NPAS1: variants seen among roughly 807,000 people sequenced by gnomAD.
NPAS1 encodes neuronal PAS domain protein 1.
In NPAS1, 29 loss-of-function variants were observed where a neutral mutation model predicts 49.2. That is an observed-to-expected ratio of 0.59 (90% CI 0.44 to 0.80). The LOEUF (loss-of-function observed/expected upper bound fraction) is 0.80. Ranked by LOEUF, NPAS1 falls within the 30% of genes least tolerant of loss-of-function variation. The probability of loss-of-function intolerance (pLI) is 0.00; values close to 1 mark genes in which losing one functional copy is unlikely to be tolerated. For missense variants in NPAS1, 825 were observed against 835.5 expected (o/e 0.99, Z 0.15); for synonymous variants, 408 against 380.4 (o/e 1.07, Z -0.84).
chr19:47,037,652 T>C (rs191268855), intron 6 of NPAS1, among the ~76,000 whole-genome samples: 8 of 152,288 alleles, frequency 5.3e-5, no homozygotes, highest in Non-Finnish European at 5.9e-5. Flanking sequence ...CCTATGAGGC[T>C]AACTATCCTG....
rs545073721 is a variant in NPAS1, at chr19:47,025,308, T to C, written c.358+3461T>C. 6.7e-5 allele frequency among the ~76,000 whole-genome samples: 9 copies of C among 134,738 alleles called. 2 individuals are homozygous for C. In the South Asian group the frequency reaches 1.6e-3, roughly 24 times the overall value. 88.4% of individuals were successfully genotyped at this position (134,738 alleles called of 152,430 possible). A position where few individuals can be genotyped will look rare whatever the true frequency, so the allele number is the denominator to read the frequency against. On this transcript the variant is annotated intron_variant, in intron 3 of 11. Coordinates refer to ENST00000602212, the MANE Select transcript of NPAS1 (RefSeq NM_002517.4). The stretch of plus-strand genomic sequence containing the variant: ...ATTTATTTATTTATAGACGGAGTTT[T>C]GCTCTTGTTGCCCAGGCTGGAGTGC...
Position 47,021,971 on chromosome 19 carries a change from C to A in NPAS1, c.358+124C>A. ...TCTCTGGAGTCAGCCAGGACCTTTG[C>A]GTGTCCCTATCAGGTGGCTTCTGCT... On this transcript the variant is annotated intron_variant, in intron 3 of 11. Transcript: ENST00000602212. This position sits in a 1 kb window ranked among gnomAD's most constrained non-coding sequence, Gnocchi z 5.7. 1 of 582,780 alleles carries A rather than the reference C, an allele frequency of 1.7e-6. No individual in the cohort carries two copies. The highest frequency in any genetic ancestry group is 2.8e-6 in the Non-Finnish European group (1 of 362,324). 36.1% of individuals were successfully genotyped at this position (582,780 alleles called of 1,614,324 possible). A position where few individuals can be genotyped will look rare whatever the true frequency, so the allele number is the denominator to read the frequency against.
intron 7 of NPAS1, 27 bp from the exon 8 acceptor site, chr19:47,039,380 T>A (rs2056994330): frequency 1.2e-6 from 2 of 1,610,596 alleles, no homozygotes; most frequent in Non-Finnish European, 1.7e-6. Context: ...GCCTTGTCCC[T>A]CCTCCAACCA....
chr19:47,040,340 A>G, intron 8 of NPAS1, 104 bp from the exon 9 acceptor site: 1 of 721,270 alleles, frequency 1.4e-6, no homozygotes, highest in Admixed American at 2.6e-5. Context: ...TATTGCACCC[A>G]TTTTACAGCA....
chr19:47,036,214 T>C, intron 6 of NPAS1, 85 bp downstream of exon 6: 3 of 1,364,116 alleles, frequency 2.2e-6, no homozygotes, highest in Non-Finnish European at 3.0e-6. Flanking sequence ...GCCGCGTTTA[T>C]ACAAATAGCA....
chr19:47,037,230 GA>G (rs1182896863), intron 6 of NPAS1, among the ~76,000 whole-genome samples: 2 of 146,786 alleles, frequency 1.4e-5, no homozygotes, highest in African/African-American at 5.1e-5. Flanking sequence ...AGGTGCCTGT[GA>G]TCCCAGATAC....
chr19:47,045,561 GGGCCCCGCGCTCCCGGA>G lies in NPAS1; in HGVS notation c.1688_1704del (p.Pro563LeufsTer43). 1.3e-6 allele frequency: 2 copies of G among 1,506,236 alleles called. No homozygotes were observed. The highest frequency in any genetic ancestry group is 1.8e-6 in the Non-Finnish European group (2 of 1,137,138). The allele number at this position is 1,506,236 out of a possible 1,614,324, so 93.3% of individuals were successfully genotyped here. On this transcript the variant is annotated frameshift_variant, in exon 12 of 12. Coordinates refer to ENST00000602212, the MANE Select transcript of NPAS1 (RefSeq NM_002517.4). LOFTEE classifies it high-confidence loss of function. ...ACCCGCACCTGCAGAGGCTGGGTCCGGGCCCCGCGCTCCCGGAGGCCTTTTACCCGCCCCTGGGCCTG... is the reference window on the plus strand; with the variant it reads ...ACCCGCACCTGCAGAGGCTGGGTCCGGGCCTTTTACCCGCCCCTGGGCCTG...
chr19:47,025,044 C>CAGGTGATCCGCCTGCCGCAG lies in NPAS1; in HGVS notation c.358+3197_358+3198insAGGTGATCCGCCTGCCGCAG, dbSNP rs1568500418. Among the ~76,000 whole-genome samples the CAGGTGATCCGCCTGCCGCAG allele has an allele frequency of 4.9e-4, 66 of 135,090 alleles. 3 individuals carry two copies. Among genetic ancestry groups the CAGGTGATCCGCCTGCCGCAG allele is most frequent in the Admixed American group, 9.3e-4 (11 of 11,878 alleles). 88.6% of individuals were successfully genotyped at this position (135,090 alleles called of 152,430 possible). The stretch of plus-strand genomic sequence containing the variant: ...CAGGCTGGTCTCGAACTCCTGACCT[C>CAGGTGATCCGCCTGCCGCAG]CTTATCCTCCCAAAGTGCTGGGATT... On this transcript the variant is annotated intron_variant, in intron 3 of 11. Transcript: ENST00000602212.
chr19:47,040,375 G>A lies in NPAS1; in HGVS notation c.963-69G>A, dbSNP rs1158418216. ...AAGGGTGTGAACCCCAGGGGACTCTGGAGCCAACTCTGCCTCTCCCCCAAC... is the reference window on the plus strand; with the variant it reads ...AAGGGTGTGAACCCCAGGGGACTCTAGAGCCAACTCTGCCTCTCCCCCAAC... On this transcript the variant is annotated intron_variant, in intron 8 of 11. Transcript: ENST00000602212. 2.8e-6 allele frequency: 3 copies of A among 1,086,092 alleles called. No individual in the cohort carries two copies. The Admixed American group carries it at 6.5e-5, about 23-fold the overall frequency. The allele number at this position is 1,086,092 out of a possible 1,614,324, so 67.3% of individuals were successfully genotyped here.
rs1216037930 is a variant in NPAS1 at position 47,036,108 on chromosome 19, C to T, written c.667C>T (p.Leu223Phe). The change falls in exon 6 of 12, where the codon CTT (leucine) becomes TTT (phenylalanine). Residue 223 changes from leucine to phenylalanine, a missense_variant. Leu to Phe is a conservative substitution (Grantham distance 22, BLOSUM62 0). Transcript: ENST00000602212. ...VSSSSSSSSS[L>F]ADTPEIEASL... ...CTCTTCCTCCTCCTCTTCCTCTTCG[C>T]TTGCAGATACCCCCGAGATCGGTAA... The T allele has an allele frequency of 6.4e-7, 1 of 1,569,458 alleles. No homozygotes were observed. The highest frequency in any genetic ancestry group is 8.6e-7 in the Non-Finnish European group (1 of 1,157,754).
chr19:47,023,777 A>C (rs2056856052), intron 3 of NPAS1, among the ~76,000 whole-genome samples: 1 of 152,000 alleles, frequency 6.6e-6, no homozygotes, highest in South Asian at 2.1e-4. Context: ...ACATAGCAAA[A>C]CCCTGGGCAA....
chr19:47,029,727 G>T (rs1359741570), intron 3 of NPAS1, among the ~76,000 whole-genome samples: 2 of 152,190 alleles, frequency 1.3e-5, no homozygotes, highest in Admixed American at 1.3e-4. Context: ...TCATTCATGA[G>T]TTGGACATTT....
rs1266418825 is a variant in NPAS1 at position 47,021,928 on chromosome 19, C to T, written c.358+81C>T. 2 of 926,068 alleles carry T rather than the reference C, an allele frequency of 2.2e-6. No individual in the cohort carries two copies. The highest frequency in any genetic ancestry group is 1.8e-5 in the African/African-American group (1 of 56,504). 57.4% of individuals were successfully genotyped at this position (926,068 alleles called of 1,614,324 possible). ...AGCCCAGATCCGGGCTGCGGGCCTG[C>T]CCTCGCCCAGATGCTTGTCTCTGGA... On this transcript the variant is annotated intron_variant, in intron 3 of 11. Coordinates refer to ENST00000602212, the MANE Select transcript of NPAS1 (RefSeq NM_002517.4). This position sits in a 1 kb window ranked among gnomAD's most constrained non-coding sequence, Gnocchi z 5.7.
chr19:47,033,520 C>T (rs1402466232), intron 5 of NPAS1, among the ~76,000 whole-genome samples: 3 of 151,992 alleles, frequency 2.0e-5, no homozygotes, highest in African/African-American at 4.8e-5. Flanking sequence ...GGGATTACAG[C>T]GTGAGCCACC....
rs1255320519 is a variant in NPAS1, at chr19:47,020,905, C to CG, written c.-42-101_-42-100insG. The CG allele has an allele frequency of 1.5e-4, 62 of 420,480 alleles. 1 individual carries two copies. Among genetic ancestry groups the CG allele is most frequent in the Admixed American group, 7.2e-4 (16 of 22,100 alleles). 26.0% of individuals were successfully genotyped at this position (420,480 alleles called of 1,614,324 possible). On this transcript the variant is annotated intron_variant, in intron 1 of 11. Transcript: ENST00000602212. The stretch of plus-strand genomic sequence containing the variant: ...GAGGCATCATCCAGGCCCCCCCCCC[C>CG]CCAGCTCCTTGCTGGGACCCTGAGC...
intron 3 of NPAS1, among the ~76,000 whole-genome samples, chr19:47,027,001 T>C (rs532856558): frequency 6.6e-6 from 1 of 151,500 alleles, no homozygotes; most frequent in South Asian, 2.1e-4. Flanking sequence ...CTCCCAGTAT[T>C]AGGCACCTAC....
chr19:47,032,222 C>A, intron 3 of NPAS1, 56 bp from the exon 4 acceptor site: 1 of 1,526,512 alleles, frequency 6.6e-7, no homozygotes, highest in Non-Finnish European at 9.0e-7. Flanking sequence ...TCCCGGGGGA[C>A]CTGCCCTGGG....
intron 3 of NPAS1, among the ~76,000 whole-genome samples, chr19:47,029,583 T>G (rs1408822633): frequency 6.6e-6 from 1 of 151,910 alleles, no homozygotes; most frequent in Non-Finnish European, 1.5e-5. Flanking sequence ...GTATTTTTGG[T>G]AGAGACAAAG....
chr19:47,032,648 G>A lies in NPAS1; in HGVS notation c.438G>A (p.Leu146=). The A allele has an allele frequency of 6.2e-7, 1 of 1,613,958 alleles. No individual in the cohort carries two copies. The highest frequency in any genetic ancestry group is 8.5e-7 in the Non-Finnish European group (1 of 1,179,850). ...CCTGTCTCTCCCGGCTCTAGTCCCT[G>A]GATGGCTTTGTGTTCGCCTTGAACC... The part of the protein sequence containing the change: ...QHLGGHILQS[L]DGFVFALNQE... Residue 146 remains leucine (L), a synonymous_variant, in exon 5 of 12, where the codon CTG becomes CTA. Transcript: ENST00000602212.
Sources: gnomAD v4.1 joint callset for allele counts (sites outside exome capture counted in the v4.1 genomes callset) on GRCh38, gnomAD v4.1.1 for gene constraint, Gnocchi (gnomAD v3.1) non-coding constraint, MANE v1.5 for transcripts, NCBI Gene and HGNC (gene_info 2026-07-23, HGNC 2026-07-21) for gene names.